Variants in ENPP6 observed in about 807,000 individuals in gnomAD.
The protein encoded by ENPP6 is glycerophosphocholine cholinephosphodiesterase ENPP6.
ENPP6 carries 32 observed loss-of-function variants against 42.0 expected under a neutral mutation model. The ratio of observed to expected loss-of-function variants is 0.76; its 90% CI spans 0.58 to 1.02. The LOEUF (loss-of-function observed/expected upper bound fraction) is 1.02. Among genes scored for constraint, ENPP6 ranks in the 50% least tolerant of loss-of-function variants. The probability of loss-of-function intolerance (pLI) is 0.00; values close to 1 mark genes in which losing one functional copy is unlikely to be tolerated. For synonymous variants in ENPP6, 213 were observed against 216.0 expected (o/e 0.99, Z 0.12); for missense variants, 552 against 566.8 (o/e 0.97, Z 0.27).
At chr4:184,094,753 G>A (rs191075159) in intron 7 of ENPP6, among the ~76,000 whole-genome samples, 4 of 152,366 alleles carry the variant, frequency 2.6e-5, no homozygotes, top group East Asian at 1.9e-4. Flanking sequence ...TTGCTAGCTC[G>A]CAGGCAGCTC....
At chr4:184,142,649 T>A (rs952646201) in intron 2 of ENPP6, among the ~76,000 whole-genome samples, 3 of 152,230 alleles carry the variant, frequency 2.0e-5, no homozygotes, top group Admixed American at 2.0e-4. Flanking sequence ...AACCAACTCA[T>A]CCATTAGCGC....
chr4:184,133,892 G>A (rs1736685435), intron 2 of ENPP6, among the ~76,000 whole-genome samples: 1 of 142,598 alleles, frequency 7.0e-6, no homozygotes, highest in African/African-American at 2.6e-5. Flanking sequence ...TTTTGAGATG[G>A]AGCCTCACTC....
At chr4:184,157,016 A>G (rs551274803) in intron 1 of ENPP6, among the ~76,000 whole-genome samples, 1 of 152,346 alleles carries the variant, frequency 6.6e-6, no homozygotes, top group East Asian at 1.9e-4. Context: ...ACTAGACTCA[A>G]ACTTGGGCTT....
At chr4:184,172,828 G>A (rs1377693324) in intron 1 of ENPP6, among the ~76,000 whole-genome samples, 3 of 152,182 alleles carry the variant, frequency 2.0e-5, no homozygotes, top group African/African-American at 7.2e-5. Context: ...TGAGTGGCGT[G>A]CATACCAGCG....
intron 1 of ENPP6, among the ~76,000 whole-genome samples, chr4:184,162,584 G>T (rs535631017): frequency 1.1e-4 from 16 of 151,816 alleles, no homozygotes; most frequent in African/African-American, 3.6e-4. Context: ...AGAAAGGAAG[G>T]AAGAGAGGGA....
At chr4:184,101,919 C>A (rs4467622) in intron 6 of ENPP6, among the ~76,000 whole-genome samples, 2 of 152,014 alleles carry the variant, frequency 1.3e-5, no homozygotes, top group Non-Finnish European at 2.9e-5. Flanking sequence ...GGTGAGAAGC[C>A]GCTGCGAGGG....
In ENPP6 at chr4:184,090,123, T is replaced by C. The variant is rs1020687604; in HGVS notation, c.*1054A>G. On this transcript the variant is annotated 3_prime_UTR_variant, in exon 8 of 8. Coordinates refer to ENST00000296741, the MANE Select transcript of ENPP6 (RefSeq NM_153343.4). ...ATTCTATGCCACTCAAAGACTGTTG[T>C]TGAGCAAGCCATGCTGCAGGGGTAC... 5.3e-5 allele frequency: 8 copies of C among 152,292 alleles called. No individual in the cohort carries two copies. The highest frequency in any genetic ancestry group is 1.7e-4 in the African/African-American group (7 of 41,440). The allele number at this position is 152,292 out of a possible 1,614,324, so 9.4% of individuals were successfully genotyped here.
At chr4:184,200,969 C>T (rs370785016) in intron 1 of ENPP6, among the ~76,000 whole-genome samples, 9 of 152,304 alleles carry the variant, frequency 5.9e-5, no homozygotes, top group East Asian at 1.9e-4. Context: ...CTCTCAGCCC[C>T]GACAGCCCTT....
chr4:184,191,078 C>T lies in ENPP6; in HGVS notation c.241+26501G>A, dbSNP rs996393991. ...AGGCGTATGCCACGTGCATATGCAG[C>T]TACAAGATCACTGTCTAAGGGAGAG... On this transcript the variant is annotated intron_variant, in intron 1 of 7. Transcript: ENST00000296741. Among the ~76,000 whole-genome samples the T allele has an allele frequency of 2.6e-5, 4 of 152,194 alleles. No individual in the cohort carries two copies. In the East Asian group the frequency reaches 5.8e-4, roughly 22 times the overall value.
At chr4:184,160,660 A>T (rs1737244209) in intron 1 of ENPP6, among the ~76,000 whole-genome samples, 1 of 151,630 alleles carries the variant, frequency 6.6e-6, no homozygotes, top group South Asian at 2.1e-4. Flanking sequence ...GTATTGGGGG[A>T]GAGTCACACA....
intron 1 of ENPP6, among the ~76,000 whole-genome samples, chr4:184,211,326 T>G (rs1210400056): frequency 6.6e-6 from 1 of 151,824 alleles, no homozygotes; most frequent in Non-Finnish European, 1.5e-5. Flanking sequence ...ATCAACAAAA[T>G]TGATAGACCA....
At chr4:184,113,912 T>TTTCTTTCTTTCTTTCTTTCTTTCTTTCC (rs1560981855) in intron 5 of ENPP6, among the ~76,000 whole-genome samples, 8 of 123,888 alleles carry the variant, frequency 6.5e-5, no homozygotes, top group Non-Finnish European at 8.8e-5. Flanking sequence ...TCTTTCTTTC[T>TTTCTTTCTTTCTTTCTTTCTTTCTTTCC]TTCTTTCTTT....
chr4:184,207,012 G>A (rs146748545), intron 1 of ENPP6, among the ~76,000 whole-genome samples: 1 of 152,206 alleles, frequency 6.6e-6, no homozygotes, highest in Non-Finnish European at 1.5e-5. Flanking sequence ...TCGCCTAGGC[G>A]CTGGCCAGTT....
intron 1 of ENPP6, among the ~76,000 whole-genome samples, chr4:184,160,270 C>A (rs1737239071): frequency 6.6e-6 from 1 of 152,200 alleles, no homozygotes; most frequent in Admixed American, 6.5e-5. Context: ...TTCTCACCAG[C>A]AGTGTAAAAA....
chr4:184,185,803 C>G (rs560701902), intron 1 of ENPP6, among the ~76,000 whole-genome samples: 1 of 152,204 alleles, frequency 6.6e-6, no homozygotes, highest in African/African-American at 2.4e-5. Flanking sequence ...GGCAACCAAA[C>G]GTACTGCTTG....
At chr4:184,194,495 A>T (rs1040697836) in intron 1 of ENPP6, among the ~76,000 whole-genome samples, 6 of 152,246 alleles carry the variant, frequency 3.9e-5, no homozygotes, top group Admixed American at 1.3e-4. Context: ...CCTAGTGAAG[A>T]ATGAAAATGT....
intron 2 of ENPP6, among the ~76,000 whole-genome samples, chr4:184,127,042 G>A (rs1364632911): frequency 6.6e-6 from 1 of 152,172 alleles, no homozygotes; most frequent in Non-Finnish European, 1.5e-5. Context: ...CGGCACAATT[G>A]TCAGTGAGAA....
chr4:184,153,676 T>C lies in ENPP6; in HGVS notation c.299A>G (p.Asn100Ser), dbSNP rs183023017. 8.1e-6 allele frequency: 13 copies of C among 1,614,194 alleles called. No individual in the cohort carries two copies. In the East Asian group the frequency reaches 1.3e-4, roughly 17 times the overall value. Reference sequence around the variant, plus strand: ...GTTGACGCCAATGTCAAAGGACTTGTTGGTGGTGGGGTCCCACATGTAGTT... The same window carrying C: ...GTTGACGCCAATGTCAAAGGACTTGCTGGTGGTGGGGTCCCACATGTAGTT... ...IGNYMWDPTTNKSFDIGVNKD... is the reference protein window; with the variant it reads ...IGNYMWDPTTSKSFDIGVNKD... The change falls in exon 2 of 8, where the codon AAC (asparagine) becomes AGC (serine). Residue 100 changes from asparagine (N) to serine (S), a missense_variant. Transcript: ENST00000296741.
At chr4:184,145,993 A>G (rs770960598) in intron 2 of ENPP6, among the ~76,000 whole-genome samples, 3 of 149,950 alleles carry the variant, frequency 2.0e-5, no homozygotes, top group Non-Finnish European at 4.5e-5. Context: ...AGGAATATTC[A>G]TGACTCTGTG....
Sources: gnomAD v4.1 joint callset for allele counts (sites outside exome capture counted in the v4.1 genomes callset) on GRCh38, gnomAD v4.1.1 for gene constraint, MANE v1.5 for transcripts, NCBI Gene and HGNC (gene_info 2026-07-23, HGNC 2026-07-21) for gene names.